SAMSN1: variants seen among roughly 807,000 people sequenced by gnomAD.
SAMSN1 encodes SAM domain-containing protein SAMSN-1.
In SAMSN1, 31 loss-of-function variants were observed where a neutral mutation model predicts 42.0. The observed-to-expected ratio is 0.74, with a 90% CI of 0.55 to 1.00. The LOEUF (loss-of-function observed/expected upper bound fraction) is 1.00. SAMSN1 is among the 50% of genes least tolerant of loss of function. The probability of loss-of-function intolerance (pLI) is 0.00; values close to 1 mark genes in which losing one functional copy is unlikely to be tolerated. For missense variants in SAMSN1, 464 were observed against 439.4 expected, an observed-to-expected ratio of 1.06 and a Z score of -0.50; for synonymous variants, 178 against 151.9, an observed-to-expected ratio of 1.17 and a Z score of -1.26.
intron 4 of SAMSN1, chr21:14,612,594 C>A: frequency 1.9e-6 from 1 of 527,180 alleles, no homozygotes; most frequent in South Asian, 1.5e-5. Flanking sequence ...AGCCAAGCTA[C>A]ACATGGAGAG....
chr21:14,577,266 ATATATATATATATATATATTTT>A (rs1981524142), intron 2 of SAMSN1, among the ~76,000 whole-genome samples: 2 of 47,962 alleles, frequency 4.2e-5, no homozygotes, highest in African/African-American at 2.3e-4. Flanking sequence ...ATATATATAT[ATATATATATATATATATATTTT>A]TTTTTTAGAA....
intron 2 of SAMSN1, among the ~76,000 whole-genome samples, chr21:14,558,360 C>T (rs764921752): frequency 7.2e-5 from 11 of 151,828 alleles, no homozygotes; most frequent in African/African-American, 1.7e-4. Flanking sequence ...TTTGGAAACA[C>T]GCATGCTACG....
intron 5 of SAMSN1, among the ~76,000 whole-genome samples, chr21:14,602,264 TA>T (rs143832812): frequency 0.025 from 3,868 of 152,172 alleles, 100 homozygotes; most frequent in South Asian, 0.073. Flanking sequence ...TCTTTTTTTT[TA>T]ACAAGAAACA....
chr21:14,517,917 T>A (rs1041014734), intron 2 of SAMSN1, among the ~76,000 whole-genome samples: 22 of 152,326 alleles, frequency 1.4e-4, no homozygotes, highest in African/African-American at 5.3e-4. Context: ...GCTCACTAGA[T>A]CAGTGGTTCT....
chr21:14,628,629 G>T (rs1052976302), intron 2 of SAMSN1, among the ~76,000 whole-genome samples: 2 of 152,096 alleles, frequency 1.3e-5, no homozygotes, highest in Non-Finnish European at 2.9e-5. Context: ...GATTGCAAAT[G>T]AATGGAAAAA....
intron 2 of SAMSN1, chr21:14,642,957 T>C: frequency 1.4e-6 from 1 of 710,926 alleles, no homozygotes. Context: ...ATTCTAGAAC[T>C]ATAATAGAGA....
intron 1 of SAMSN1, among the ~76,000 whole-genome samples, chr21:14,538,656 G>A (rs890172283): frequency 1.3e-5 from 2 of 152,256 alleles, no homozygotes; most frequent in East Asian, 3.9e-4. Flanking sequence ...ACAACTATGT[G>A]TCATCCTTGT....
At chr21:14,571,077 TTC>T (rs1423729284) in intron 2 of SAMSN1, among the ~76,000 whole-genome samples, 2 of 152,196 alleles carry the variant, frequency 1.3e-5, no homozygotes, top group Non-Finnish European at 2.9e-5. Context: ...TGAAAGCATT[TTC>T]TGACTCCTCG....
At chr21:14,612,612 A>T (rs1459568490) in intron 4 of SAMSN1, 10 of 541,628 alleles carry the variant, frequency 1.8e-5, no homozygotes, top group Middle Eastern at 5.7e-4. Flanking sequence ...GAGCTGGAAG[A>T]TGAGCAGCCA....
At chr21:14,618,359 T>C (rs1982898068) in intron 2 of SAMSN1, among the ~76,000 whole-genome samples, 1 of 152,116 alleles carries the variant, frequency 6.6e-6, no homozygotes, top group African/African-American at 2.4e-5. Context: ...GGAGTGTGAT[T>C]ATATGAGGAA....
chr21:14,503,844 A>T (rs1422238614), intron 5 of SAMSN1, among the ~76,000 whole-genome samples: 1 of 152,118 alleles, frequency 6.6e-6, no homozygotes, highest in Non-Finnish European at 1.5e-5. Context: ...AAGGAAGTGA[A>T]TTCCTCCTTC....
chr21:14,577,651 A>G (rs866692932), intron 2 of SAMSN1, among the ~76,000 whole-genome samples: 5 of 151,966 alleles, frequency 3.3e-5, no homozygotes, highest in African/African-American at 9.7e-5. Context: ...AGTACTCTTC[A>G]GTTATTCTTC....
intron 2 of SAMSN1, among the ~76,000 whole-genome samples, chr21:14,628,647 G>A (rs189317566): frequency 9.5e-4 from 144 of 152,248 alleles, no homozygotes; most frequent in Non-Finnish European, 1.6e-3. Flanking sequence ...AAATTCCAGT[G>A]ACAGAAAAGT....
intron 2 of SAMSN1, among the ~76,000 whole-genome samples, chr21:14,519,109 A>G (rs538938614): frequency 6.6e-6 from 1 of 152,130 alleles, no homozygotes; most frequent in Non-Finnish European, 1.5e-5. Context: ...CTATTTAAAT[A>G]TTACTTATGG....
chr21:14,551,121 G>A (rs1980580813), upstream of SAMSN1, among the ~76,000 whole-genome samples: 1 of 152,028 alleles, frequency 6.6e-6, no homozygotes, highest in Admixed American at 6.6e-5. Flanking sequence ...TACCCTTGAT[G>A]TGCTCAAAAT....
At chr21:14,647,609 T>A (rs1007049566) in intron 1 of SAMSN1, among the ~76,000 whole-genome samples, 10 of 137,058 alleles carry the variant, frequency 7.3e-5, no homozygotes, top group Admixed American at 7.8e-5. Context: ...TGATTCTTCC[T>A]AACCATGAGC....
At chr21:14,646,939 G>A (rs951190354) in intron 1 of SAMSN1, among the ~76,000 whole-genome samples, 11 of 152,090 alleles carry the variant, frequency 7.2e-5, no homozygotes, top group African/African-American at 1.2e-4. Context: ...TAAAAAGCAA[G>A]AAACTAAACC....
intron 2 of SAMSN1, among the ~76,000 whole-genome samples, chr21:14,635,862 A>G (rs1983455167): frequency 6.6e-6 from 1 of 151,938 alleles, no homozygotes; most frequent in Non-Finnish European, 1.5e-5. Context: ...GTTCTAGGGT[A>G]CATGTGCACA....
chr21:14,556,350 G>C (rs1041172468), intron 2 of SAMSN1, among the ~76,000 whole-genome samples: 3 of 152,098 alleles, frequency 2.0e-5, no homozygotes, highest in Non-Finnish European at 4.4e-5. Flanking sequence ...TACTCCAATT[G>C]CATGTCAGTT....
Sources: gnomAD v4.1 joint callset for allele counts (sites outside exome capture counted in the v4.1 genomes callset) on GRCh38, gnomAD v4.1.1 for gene constraint, MANE v1.5 for transcripts, NCBI Gene and HGNC (gene_info 2026-07-23, HGNC 2026-07-21) for gene names.